The following CNTN5 variants were observed in gnomAD, a reference collection of about 807,000 sequenced individuals.
The protein encoded by CNTN5 is contactin-5.
In CNTN5, 77 loss-of-function variants were observed where a neutral mutation model predicts 129.1. The observed-to-expected ratio is 0.60, with a 90% CI of 0.50 to 0.72. The LOEUF (loss-of-function observed/expected upper bound fraction) is 0.72, where lower values mean the gene tolerates loss of function less well. CNTN5 is among the 30% of genes least tolerant of loss of function. The probability of loss-of-function intolerance (pLI) is 0.00; values close to 1 mark genes in which losing one functional copy is unlikely to be tolerated. For missense variants in CNTN5, 1,478 were observed against 1,328.8 expected (o/e 1.11, Z -1.75); for synonymous variants, 509 against 465.6 (o/e 1.09, Z -1.20).
Position 99,171,032 on chromosome 11 carries a change from A to G in CNTN5, c.-210+149762A>G, listed in dbSNP as rs77078994. 9.5e-3 allele frequency among the ~76,000 whole-genome samples: 1,444 copies of G among 152,322 alleles called. 14 individuals are homozygous for G. The highest frequency in any genetic ancestry group is 0.034 in the African/African-American group (1,406 of 41,568). Reference sequence around the variant, plus strand: ...AGTTATGGTTTTCATTATCATCATTAACATGACTGCATCACATACACTGAA... The same window carrying G: ...AGTTATGGTTTTCATTATCATCATTGACATGACTGCATCACATACACTGAA... On this transcript the variant is annotated intron_variant, in intron 1 of 24. Transcript: ENST00000524871.
intron 1 of CNTN5, among the ~76,000 whole-genome samples, chr11:99,114,523 C>T (rs993889174): frequency 1.4e-5 from 2 of 142,898 alleles, no homozygotes; most frequent in Non-Finnish European, 3.0e-5. Context: ...CCTTTTTACT[C>T]TTTCTTCCTT....
chr11:99,593,476 G>T (rs1347539000), intron 3 of CNTN5, among the ~76,000 whole-genome samples: 1 of 152,086 alleles, frequency 6.6e-6, no homozygotes, highest in Non-Finnish European at 1.5e-5. Flanking sequence ...TTTATTAAAA[G>T]TATGTATCAT....
intron 4 of CNTN5, among the ~76,000 whole-genome samples, chr11:99,841,281 T>C (rs1000898502): frequency 6.6e-5 from 10 of 152,172 alleles, no homozygotes; most frequent in East Asian, 1.9e-4. Context: ...TAGTCCCTTA[T>C]TATTTAGCCT....
intron 3 of CNTN5, among the ~76,000 whole-genome samples, chr11:99,576,582 G>A (rs1031756712): frequency 6.6e-6 from 1 of 152,152 alleles, no homozygotes; most frequent in Non-Finnish European, 1.5e-5. Flanking sequence ...TTAATTCATA[G>A]AGGTAACAGA....
chr11:99,099,357 G>T (rs547058788), intron 1 of CNTN5, among the ~76,000 whole-genome samples: 1 of 151,980 alleles, frequency 6.6e-6, no homozygotes, highest in Non-Finnish European at 1.5e-5. Context: ...AGCTTGAAAG[G>T]CACCATTCTC....
In CNTN5 at chr11:99,491,379, C is replaced by A. The variant is rs897799262; in HGVS notation, c.-70-64766C>A. On this transcript the variant is annotated intron_variant, in intron 2 of 24. Coordinates refer to ENST00000524871, the MANE Select transcript of CNTN5 (RefSeq NM_014361.4). ...ACATACTGTCAAAACGGACTAAAGGCGAATTGATTATATTCGGAGGTTAAT... is the reference window on the plus strand; with the variant it reads ...ACATACTGTCAAAACGGACTAAAGGAGAATTGATTATATTCGGAGGTTAAT... 3.3e-5 allele frequency among the ~76,000 whole-genome samples: 5 copies of A among 151,922 alleles called. No individual in the cohort carries two copies. The South Asian group carries it at 1.0e-3, about 32-fold the overall frequency.
intron 6 of CNTN5, among the ~76,000 whole-genome samples, chr11:99,900,691 G>T (rs539689471): frequency 1.2e-4 from 18 of 152,128 alleles, no homozygotes; most frequent in Middle Eastern, 3.4e-3. Context: ...GAGGTCAAAT[G>T]ATTAGATCTT....
intron 1 of CNTN5, among the ~76,000 whole-genome samples, chr11:99,146,068 A>C (rs948026575): frequency 2.6e-5 from 4 of 152,124 alleles, no homozygotes; most frequent in African/African-American, 7.2e-5. Flanking sequence ...ATCCATGTGC[A>C]TATTAAATCT....
intron 13 of CNTN5, among the ~76,000 whole-genome samples, chr11:100,119,290 A>G (rs1945940191): frequency 6.6e-6 from 1 of 151,934 alleles, no homozygotes; most frequent in Admixed American, 6.6e-5. Context: ...CAATTTGTCC[A>G]TGGTTATTCA....
At chr11:100,203,894 T>G (rs758590108) in intron 15 of CNTN5, among the ~76,000 whole-genome samples, 97 of 151,470 alleles carry the variant, frequency 6.4e-4, no homozygotes, top group Non-Finnish European at 1.2e-4. Flanking sequence ...CATTTTTCTC[T>G]TATTATTTTA....
At chr11:99,527,667 G>T (rs1484215996) in intron 2 of CNTN5, among the ~76,000 whole-genome samples, 1 of 152,140 alleles carries the variant, frequency 6.6e-6, no homozygotes, top group African/African-American at 2.4e-5. Flanking sequence ...CAGACTGTGT[G>T]ACTCTCATAG....
At chr11:100,090,373 T>C (rs941721596) in intron 13 of CNTN5, among the ~76,000 whole-genome samples, 2 of 151,956 alleles carry the variant, frequency 1.3e-5, no homozygotes, top group African/African-American at 4.8e-5. Context: ...CCTGATCAAT[T>C]TGTTATTTTC....
chr11:99,022,588 C>T (rs1357716335), intron 1 of CNTN5, among the ~76,000 whole-genome samples: 3 of 151,204 alleles, frequency 2.0e-5, no homozygotes, highest in South Asian at 2.1e-4. Flanking sequence ...TGACTCTAAT[C>T]GAAAAGAGGT....
chr11:99,449,474 A>C (rs987870237), intron 2 of CNTN5, among the ~76,000 whole-genome samples: 4 of 152,248 alleles, frequency 2.6e-5, no homozygotes, highest in African/African-American at 9.6e-5. Context: ...TCTAATATGA[A>C]CAAATAATAC....
At chr11:99,865,980 CTTGT>C (rs1245111688) in intron 6 of CNTN5, among the ~76,000 whole-genome samples, 2 of 152,070 alleles carry the variant, frequency 1.3e-5, no homozygotes, top group African/African-American at 4.8e-5. Context: ...AAAAAATTCA[CTTGT>C]TTTTCTCGAG....
At chr11:99,373,341 G>A (rs755757489) in intron 2 of CNTN5, among the ~76,000 whole-genome samples, 1 of 152,122 alleles carries the variant, frequency 6.6e-6, no homozygotes, top group Non-Finnish European at 1.5e-5. Flanking sequence ...ATAAGAGTAG[G>A]TGGCCCAAAG....
chr11:100,355,808 T>C (rs1952509451), intron 24 of CNTN5, among the ~76,000 whole-genome samples: 1 of 151,764 alleles, frequency 6.6e-6, no homozygotes, highest in Non-Finnish European at 1.5e-5. Context: ...AACTATGCAC[T>C]ATCAAAATTA....
intron 10 of CNTN5, among the ~76,000 whole-genome samples, chr11:100,068,734 G>T (rs1347955688): frequency 2.6e-5 from 4 of 152,190 alleles, no homozygotes; most frequent in African/African-American, 7.2e-5. Context: ...ATGATAGCTT[G>T]CAGGCTTAGA....
At chr11:99,669,491 T>C (rs1284291192) in intron 3 of CNTN5, among the ~76,000 whole-genome samples, 2 of 151,806 alleles carry the variant, frequency 1.3e-5, no homozygotes, top group Non-Finnish European at 1.5e-5. Flanking sequence ...TATACATATA[T>C]ACACATATAT....
Sources: gnomAD v4.1 joint callset for allele counts (sites outside exome capture counted in the v4.1 genomes callset) on GRCh38, gnomAD v4.1.1 for gene constraint, MANE v1.5 for transcripts, NCBI Gene and HGNC (gene_info 2026-07-23, HGNC 2026-07-21) for gene names.